BPTF: variants seen among roughly 807,000 people sequenced by gnomAD.
BPTF encodes the protein nucleosome-remodeling factor subunit BPTF.
Under a neutral mutation model 292.5 loss-of-function variants are expected in BPTF, and 18 were observed. The observed-to-expected ratio is 0.06, with a 90% CI of 0.04 to 0.09. The LOEUF is 0.09. Ranked by LOEUF, BPTF falls within the 10% of genes least tolerant of loss-of-function variation. The pLI is 1.00. For synonymous variants in BPTF, 1,225 were observed against 1,251.9 expected, an observed-to-expected ratio of 0.98 and a Z score of 0.45; for missense variants, 2,726 against 3,498.7, an observed-to-expected ratio of 0.78 and a Z score of 5.57.
intron 27 of BPTF, chr17:67,981,543 A>G (rs2070362449): frequency 2.7e-6 from 3 of 1,098,062 alleles, no homozygotes; most frequent in African/African-American, 3.4e-5. Flanking sequence ...TTGCCCCCCA[A>G]AAAGTCAGAT....
intron 1 of BPTF, among the ~76,000 whole-genome samples, chr17:67,835,529 G>T (rs779724381): frequency 6.6e-6 from 1 of 152,146 alleles, no homozygotes; most frequent in East Asian, 1.9e-4. Flanking sequence ...CATTATTTGT[G>T]TATGTGATGG....
At chr17:67,861,083 G>A (rs1287054336) in intron 2 of BPTF, among the ~76,000 whole-genome samples, 3 of 152,136 alleles carry the variant, frequency 2.0e-5, no homozygotes, top group African/African-American at 4.8e-5. Context: ...CAAACTCATC[G>A]TTTCCCCCCA....
chr17:67,914,959 A>G (rs1035757765), intron 11 of BPTF, among the ~76,000 whole-genome samples: 5 of 152,200 alleles, frequency 3.3e-5, no homozygotes, highest in Non-Finnish European at 5.9e-5. Flanking sequence ...CTTTCTGTCT[A>G]ATGGAGGCAT....
At chr17:67,847,342 C>A (rs1430119169) in intron 1 of BPTF, among the ~76,000 whole-genome samples, 4 of 151,906 alleles carry the variant, frequency 2.6e-5, no homozygotes, top group African/African-American at 9.7e-5. Context: ...TGGTGAAACC[C>A]CATCTCTACT....
intron 4 of BPTF, among the ~76,000 whole-genome samples, chr17:67,881,309 T>A: frequency 6.6e-6 from 1 of 152,106 alleles, no homozygotes. Flanking sequence ...GTTTCAACTG[T>A]CTTTGGCAAG....
At chr17:67,932,959 TAAA>T (rs10598085) in intron 18 of BPTF, among the ~76,000 whole-genome samples, 17,838 of 151,726 alleles carry the variant, frequency 0.12, 3,467 homozygotes, top group African/African-American at 0.41. Flanking sequence ...GGCTTAAAGG[TAAA>T]AAAGATCAGC....
intron 9 of BPTF, among the ~76,000 whole-genome samples, chr17:67,906,592 CT>C (rs2062216511): frequency 6.6e-6 from 1 of 152,316 alleles, no homozygotes; most frequent in Admixed American, 6.5e-5. Flanking sequence ...AAGCCCTTTT[CT>C]GTGATTCTTC....
In BPTF at chr17:67,964,227, T is replaced by C. The variant is rs782328060; in HGVS notation, c.8277T>C (p.Cys2759=). 5 of 1,611,644 alleles carry C rather than the reference T, an allele frequency of 3.1e-6. No homozygotes were observed. The highest frequency in any genetic ancestry group is 1.3e-5 in the African/African-American group (1 of 75,026). ...GATCTTGCAGATTTTATATTGGCTG[T>C]GATCGGTGTCAGAATTGGTACCATG... ...PYDESKFYIG[C]DRCQNWYHGR... Residue 2759 remains cysteine (C), a synonymous_variant, in exon 25 of 28, where the codon TGT becomes TGC. Transcript: ENST00000306378.
chr17:67,911,645 A>G lies in BPTF; in HGVS notation c.3761A>G (p.His1254Arg), dbSNP rs1263730934. The change falls in exon 11 of 28, where the codon CAT becomes CGT. Residue 1254 changes from histidine to arginine, a missense_variant. This residue lies in a region of BPTF where 713 missense variants were observed against 714.9 expected (regional missense o/e 1.00). Transcript: ENST00000306378. ...TIVSSSKSAL[H>R]SSVPKSTNDR... ...GTTTCTTCTTCCAAGAGTGCTTTAC[A>G]TTCATCAGTGCCTAAAAGTACCAAT... 6.2e-7 allele frequency: 1 copy of G among 1,614,214 alleles called. No individual in the cohort carries two copies. The highest frequency in any genetic ancestry group is 2.2e-5 in the East Asian group (1 of 44,888).
Position 67,826,231 on chromosome 17 carries a change from C to G in BPTF, c.507C>G (p.Asp169Glu). ...ACGAGGAGGATGAGATGGAAGAGGA[C>G]GACGATGACTCCGATTATCCGGAGG... Reference protein sequence around the residue: ...EDDEEDEMEEDDDDSDYPEEM... With the variant: ...EDDEEDEMEEEDDDSDYPEEM... Residue 169 changes from aspartate to glutamate, a missense_variant, in exon 1 of 28, where the codon GAC becomes GAG. Transcript: ENST00000306378. 6.2e-7 allele frequency: 1 copy of G among 1,613,680 alleles called. No individual in the cohort carries two copies. Among genetic ancestry groups the G allele is most frequent in the Non-Finnish European group, 8.5e-7 (1 of 1,179,804 alleles).
intron 11 of BPTF, among the ~76,000 whole-genome samples, chr17:67,915,103 A>G (rs1598622518): frequency 6.6e-6 from 1 of 152,232 alleles, no homozygotes; most frequent in Non-Finnish European, 1.5e-5. Flanking sequence ...GGAGTTAAGA[A>G]TGCCAAAGAT....
chr17:67,839,778 A>G (rs1461886278), intron 1 of BPTF, among the ~76,000 whole-genome samples: 4 of 152,152 alleles, frequency 2.6e-5, no homozygotes, highest in African/African-American at 9.7e-5. Context: ...TTTTGTATGA[A>G]CACAATACTT....
At position 67,960,040 on chromosome 17, in the gene BPTF, A is replaced by T. The variant is rs75816001; in HGVS notation, c.8261+165A>T. 60 of 556,620 alleles carry T rather than the reference A, an allele frequency of 1.1e-4. No homozygotes were observed. In the East Asian group the frequency reaches 1.8e-3, roughly 17 times the overall value. 34.5% of individuals were successfully genotyped at this position (556,620 alleles called of 1,614,324 possible). ...ATGTGATATTCTTACCATTGACGCTAGTAAAGTAAAATTTGCTATTTCACG... is the reference window on the plus strand; with the variant it reads ...ATGTGATATTCTTACCATTGACGCTTGTAAAGTAAAATTTGCTATTTCACG... On this transcript the variant is annotated intron_variant, in intron 24 of 27. Transcript: ENST00000306378.
At chr17:67,981,984 A>AATATATATATATATAT (rs35063149) in intron 27 of BPTF, 3 of 137,792 alleles carry the variant, frequency 2.2e-5, no homozygotes, top group African/African-American at 8.6e-5. Context: ...TTATTAGACA[A>AATATATATATATATAT]ATATATATAT....
intron 3 of BPTF, among the ~76,000 whole-genome samples, chr17:67,872,555 A>G (rs2059806510): frequency 6.6e-6 from 1 of 151,980 alleles, no homozygotes; most frequent in South Asian, 2.1e-4. Context: ...AAAACATAAA[A>G]ATTAGCCAGG....
chr17:67,914,678 C>T (rs950063278), intron 11 of BPTF, among the ~76,000 whole-genome samples: 1 of 152,108 alleles, frequency 6.6e-6, no homozygotes, highest in African/African-American at 2.4e-5. Context: ...GGAGGGTAGG[C>T]TCAACTGGGA....
rs1401376904 is a variant in BPTF at position 67,963,279 on chromosome 17, C to T, written c.8262-933C>T. ...AAGGCAGGGAAGACAGATTTAAGTA[C>T]CATGCAGCTCAAAATGACAATTACA... On this transcript the variant is annotated intron_variant, in intron 24 of 27. Coordinates refer to ENST00000306378, the MANE Select transcript of BPTF (RefSeq NM_182641.4). The T allele has an allele frequency of 3.4e-6, 5 of 1,453,188 alleles. No homozygotes were observed. The African/African-American group carries it at 7.1e-5, about 21-fold the overall frequency. 90.0% of individuals were successfully genotyped at this position (1,453,188 alleles called of 1,614,324 possible). A position where few individuals can be genotyped will look rare whatever the true frequency, so the allele number is the denominator to read the frequency against.
At chr17:67,906,022 G>T (rs1442680161) in intron 9 of BPTF, among the ~76,000 whole-genome samples, 2 of 152,046 alleles carry the variant, frequency 1.3e-5, no homozygotes, top group African/African-American at 4.8e-5. Context: ...CACGTTGTGC[G>T]CACGTACCCT....
chr17:67,902,750 T>TA (rs1400466262), intron 7 of BPTF, among the ~76,000 whole-genome samples: 1 of 151,952 alleles, frequency 6.6e-6, no homozygotes, highest in Non-Finnish European at 1.5e-5. Flanking sequence ...GGAAAGGAGA[T>TA]AAAAAGACTG....
Sources: gnomAD v4.1 joint callset for allele counts (sites outside exome capture counted in the v4.1 genomes callset) on GRCh38, gnomAD v4.1.1 for gene constraint, gnomAD v4.1.1 regional missense constraint, MANE v1.5 for transcripts, NCBI Gene and HGNC (gene_info 2026-07-23, HGNC 2026-07-21) for gene names.